Variants in UBR3 observed in about 807,000 individuals in gnomAD.
UBR3 encodes ubiquitin protein ligase E3 component n-recognin 3, also known as E3 ubiquitin-protein ligase UBR3.
In UBR3, 85 loss-of-function variants were observed where a neutral mutation model predicts 243.2. The observed-to-expected ratio is 0.35, with a 90% confidence interval of 0.29 to 0.42. The LOEUF is 0.42. Ranked by LOEUF, UBR3 falls within the 10% of genes least tolerant of loss-of-function variation. The pLI is 1.00. For missense variants in UBR3, 1,686 were observed against 2,300.8 expected (o/e 0.73, Z 5.47); for synonymous variants, 748 against 799.8 (o/e 0.94, Z 1.09).
At chr2:170,029,292 T>C in intron 30 of UBR3, 54 bp from the exon 31 acceptor site, 1 of 1,422,842 alleles carries the variant, frequency 7.0e-7, no homozygotes, top group Non-Finnish European at 9.6e-7. Flanking sequence ...GTCTGAATTT[T>C]GTTCTGTAAC....
chr2:170,008,720 T>G (rs1269578134), intron 28 of UBR3, 84 bp from the exon 29 acceptor site: 2 of 681,868 alleles, frequency 2.9e-6, no homozygotes, highest in African/African-American at 3.7e-5. Context: ...TCCTACTATG[T>G]TCATATAATA....
At chr2:169,851,078 T>C (rs144912276) in intron 1 of UBR3, among the ~76,000 whole-genome samples, 20 of 152,228 alleles carry the variant, frequency 1.3e-4, no homozygotes, top group Admixed American at 1.1e-3. Flanking sequence ...ACAGTTGTTT[T>C]AATTTTTGAT....
At chr2:170,028,214 C>T (rs548958592) in intron 30 of UBR3, among the ~76,000 whole-genome samples, 11 of 151,726 alleles carry the variant, frequency 7.2e-5, no homozygotes, top group East Asian at 1.9e-4. Flanking sequence ...ACTCAAATTA[C>T]AGCTCCCATA....
chr2:169,905,879 C>A (rs1043140931), intron 9 of UBR3, among the ~76,000 whole-genome samples, 152 bp from the exon 10 acceptor site: 2 of 152,152 alleles, frequency 1.3e-5, no homozygotes, highest in Admixed American at 6.5e-5. Flanking sequence ...TAGATTGTTT[C>A]ATTTTTAGTA....
Position 169,890,581 on chromosome 2 carries a change from GTA to G in UBR3, c.1039-574_1039-573del, listed in dbSNP as rs1207236594. ...TATATATATGTGTATATATATATAT[GTA>G]TATATATATGTATATATATGTATAT... On this transcript the variant is annotated intron_variant, in intron 5 of 38. Transcript: ENST00000272793. 1.4e-3 allele frequency among the ~76,000 whole-genome samples: 131 copies of G among 96,398 alleles called. 3 individuals carry two copies. The highest frequency in any genetic ancestry group is 4.7e-3 in the Middle Eastern group (1 of 212). 63.2% of individuals were successfully genotyped at this position (96,398 alleles called of 152,430 possible). A position where few individuals can be genotyped will look rare whatever the true frequency, so the allele number is the denominator to read the frequency against.
chr2:170,005,442 G>A (rs2089879923), intron 27 of UBR3, among the ~76,000 whole-genome samples: 1 of 152,160 alleles, frequency 6.6e-6, no homozygotes, highest in Non-Finnish European at 1.5e-5. Flanking sequence ...TGAAGGCTTT[G>A]TTTGGTGTGA....
intron 5 of UBR3, among the ~76,000 whole-genome samples, chr2:169,890,536 G>GATATAT (rs1396382870): frequency 3.7e-5 from 2 of 53,656 alleles, no homozygotes; most frequent in African/African-American, 8.4e-5. Context: ...GAGAGAGAGA[G>GATATAT]AGAGATATAT....
chr2:169,942,722 A>T, intron 20 of UBR3, 88 bp downstream of exon 20: 1 of 1,265,246 alleles, frequency 7.9e-7, no homozygotes, highest in Non-Finnish European at 1.0e-6. Flanking sequence ...TAAAAGTACC[A>T]CTTATAAAGC....
chr2:170,048,635 C>T (rs1273492912), intron 32 of UBR3, among the ~76,000 whole-genome samples: 1 of 152,136 alleles, frequency 6.6e-6, no homozygotes, highest in African/African-American at 2.4e-5. Context: ...AGAAATAAAG[C>T]CCTCGTTTCC....
At chr2:170,034,718 T>C (rs1436633160) in intron 31 of UBR3, among the ~76,000 whole-genome samples, 1 of 151,806 alleles carries the variant, frequency 6.6e-6, no homozygotes, top group Non-Finnish European at 1.5e-5. Context: ...CATATAGTAA[T>C]AGCATGTTTA....
Position 169,949,998 on chromosome 2 carries a change from G to A in UBR3, c.3478G>A (p.Val1160Met). The A allele has an allele frequency of 6.2e-7, 1 of 1,613,222 alleles. No homozygotes were observed. Among genetic ancestry groups the A allele is most frequent in the Non-Finnish European group, 8.5e-7 (1 of 1,179,586 alleles). Residue 1160 changes from valine to methionine, a missense_variant, in exon 23 of 39, where the codon GTG becomes ATG. Physicochemically the swap from Val to Met is conservative, Grantham distance 21. This residue lies in a region of UBR3 where 300 missense variants were observed against 314.4 expected (regional missense o/e 0.95). Transcript: ENST00000272793. Reference sequence around the variant, plus strand: ...CATCATTGAAGAGATATGTAGAAAAGTGACCCCTCCTGTACCACCTAAAAA... The same window carrying A: ...CATCATTGAAGAGATATGTAGAAAAATGACCCCTCCTGTACCACCTAAAAA... ...KRIIEEICRKVTPPVPPKKVT... is the reference protein window; with the variant it reads ...KRIIEEICRKMTPPVPPKKVT...
chr2:169,916,168 C>T (rs1320743242), intron 11 of UBR3, among the ~76,000 whole-genome samples: 2 of 152,040 alleles, frequency 1.3e-5, no homozygotes, highest in Non-Finnish European at 2.9e-5. Context: ...AGTACATATA[C>T]ATATTTGCAT....
At chr2:170,055,148 C>G (rs1343046191) in intron 32 of UBR3, among the ~76,000 whole-genome samples, 4 of 152,034 alleles carry the variant, frequency 2.6e-5, no homozygotes, top group Non-Finnish European at 5.9e-5. Context: ...AAATAAAAAG[C>G]TAATCAGGCG....
intron 27 of UBR3, among the ~76,000 whole-genome samples, chr2:170,003,221 G>A (rs1028846109): frequency 4.6e-5 from 7 of 151,962 alleles, no homozygotes; most frequent in Non-Finnish European, 7.4e-5. Flanking sequence ...CTTATTCCAG[G>A]TGTAACTTAT....
chr2:169,875,816 C>A lies in UBR3; in HGVS notation c.711C>A (p.Asp237Glu). Reference sequence around the variant, plus strand: ...CAGCTGATGGACCATCAGAAAAGGACCTTAACAAAGTCCTTCAGCTTTTGG... The same window carrying A: ...CAGCTGATGGACCATCAGAAAAGGAACTTAACAAAGTCCTTCAGCTTTTGG... ...EPAADGPSEK[D>E]LNKVLQLLEP... Residue 237 changes from aspartate to glutamate, a missense_variant, in exon 3 of 39, where the codon GAC (aspartate) becomes GAA (glutamate). Asp to Glu is a conservative substitution (Grantham distance 45). Transcript: ENST00000272793. 6.5e-7 allele frequency: 1 copy of A among 1,541,244 alleles called. No individual in the cohort carries two copies. Among genetic ancestry groups the A allele is most frequent in the Non-Finnish European group, 8.7e-7 (1 of 1,143,636 alleles).
chr2:170,061,555 C>T (rs2091457658), intron 35 of UBR3, 112 bp downstream of exon 35: 1 of 1,338,824 alleles, frequency 7.5e-7, no homozygotes, highest in East Asian at 2.4e-5. Flanking sequence ...GCAACCTCCG[C>T]CTGCCAGGTT....
rs1357746432 is a variant in UBR3 at position 169,827,469 on chromosome 2, G to T, written c.-39G>T. The T allele has an allele frequency of 2.5e-6, 3 of 1,220,696 alleles. No individual in the cohort carries two copies. The highest frequency in any genetic ancestry group is 8.6e-5 in the Admixed American group (2 of 23,304). The allele number at this position is 1,220,696 out of a possible 1,614,324, so 75.6% of individuals were successfully genotyped here. A position where few individuals can be genotyped will look rare whatever the true frequency, so the allele number is the denominator to read the frequency against. ...CTATTCCCTCACTCTCCCTGGAGGAGCCGCTGGCCCTGGACTCTCCAAATT... is the reference window on the plus strand; with the variant it reads ...CTATTCCCTCACTCTCCCTGGAGGATCCGCTGGCCCTGGACTCTCCAAATT... On this transcript the variant is annotated 5_prime_UTR_variant, in exon 1 of 39. Transcript: ENST00000272793.
chr2:170,029,249 A>G, intron 30 of UBR3, 97 bp from the exon 31 acceptor site: 2 of 950,444 alleles, frequency 2.1e-6, no homozygotes, highest in Non-Finnish European at 3.1e-6. Context: ...CAGGATGGGA[A>G]ACAGATTTCC....
At position 170,073,649 on chromosome 2, in the gene UBR3, T is replaced by C. The variant is rs374129956; in HGVS notation, c.5199+42T>C. 11 of 1,575,486 alleles carry C rather than the reference T, an allele frequency of 7.0e-6. No homozygotes were observed. In the African/African-American group the frequency reaches 1.2e-4, roughly 18 times the overall value. On this transcript the variant is annotated intron_variant, in intron 36 of 38. Transcript: ENST00000272793. ...GTACTAGCTTGTCACGGTGGTGATA[T>C]GCTAATAGGTAAGAGAATAATGAGG...
Sources: allele counts gnomAD v4.1 joint callset (sites outside exome capture counted in the v4.1 genomes callset), GRCh38; gene constraint gnomAD v4.1.1; regional missense constraint gnomAD v4.1.1; transcripts MANE v1.5; gene names NCBI Gene and HGNC (gene_info 2026-07-23, HGNC 2026-07-21).